BCAR3: variants seen among roughly 807,000 people sequenced by gnomAD.
BCAR3 encodes the protein BCAR3 adaptor protein, NSP family member, also known as breast cancer anti-estrogen resistance protein 3.
In BCAR3, 37 loss-of-function variants were observed where a neutral mutation model predicts 80.1. The ratio of observed to expected loss-of-function variants is 0.46; its 90% CI spans 0.36 to 0.61. BCAR3 has a LOEUF of 0.61. Ranked by LOEUF, BCAR3 falls within the 20% of genes least tolerant of loss-of-function variation. BCAR3 has a pLI of 0.00. For missense variants in BCAR3, 978 were observed against 1,068.2 expected (o/e 0.92, Z 1.18); for synonymous variants, 389 against 418.9 (o/e 0.93, Z 0.87).
chr1:93,649,423 C>T (rs531417760), intron 2 of BCAR3, among the ~76,000 whole-genome samples: 1 of 152,304 alleles, frequency 6.6e-6, no homozygotes, highest in Non-Finnish European at 1.5e-5. Flanking sequence ...GGTTATCCAC[C>T]TCTTTCCCAA....
chr1:93,604,776 G>A lies in BCAR3; in HGVS notation c.358-12383C>T, dbSNP rs200898082. On this transcript the variant is annotated intron_variant, in intron 3 of 11. Transcript: ENST00000260502. Reference sequence around the variant, plus strand: ...TCACTGATTTTGTTCTGAAAACTTCGGGTAGAATTCTAAGCTTGACAGAAT... The same window carrying A: ...TCACTGATTTTGTTCTGAAAACTTCAGGTAGAATTCTAAGCTTGACAGAAT... Among the ~76,000 whole-genome samples, 17 of 152,306 alleles carry A rather than the reference G, an allele frequency of 1.1e-4. No individual in the cohort carries two copies. The East Asian group carries it at 2.3e-3, about 21-fold the overall frequency.
At chr1:93,776,563 T>C (rs1652558275) in intron 2 of BCAR3, among the ~76,000 whole-genome samples, 1 of 152,244 alleles carries the variant, frequency 6.6e-6, no homozygotes, top group African/African-American at 2.4e-5. Context: ...TTATGTCCAT[T>C]TTATTATAAT....
At chr1:93,757,294 C>T (rs1315296147) in intron 2 of BCAR3, among the ~76,000 whole-genome samples, 4 of 152,208 alleles carry the variant, frequency 2.6e-5, no homozygotes, top group African/African-American at 7.2e-5. Context: ...CTCCTCCACA[C>T]CACTCTTCTC....
At chr1:93,833,296 G>T (rs530523333) in intron 2 of BCAR3, among the ~76,000 whole-genome samples, 1 of 152,122 alleles carries the variant, frequency 6.6e-6, no homozygotes, top group Non-Finnish European at 1.5e-5. Flanking sequence ...AATATCACAA[G>T]GCAAATGGGA....
At chr1:93,801,332 A>G (rs1653472033) in intron 2 of BCAR3, among the ~76,000 whole-genome samples, 1 of 152,222 alleles carries the variant, frequency 6.6e-6, no homozygotes, top group Non-Finnish European at 1.5e-5. Flanking sequence ...ATTTATCGCA[A>G]GTTTCACTAG....
intron 2 of BCAR3, among the ~76,000 whole-genome samples, chr1:93,775,678 A>G (rs144518612): frequency 2.4e-3 from 362 of 152,344 alleles, no homozygotes; most frequent in African/African-American, 8.5e-3. Flanking sequence ...TTTTCCACAT[A>G]ATGGAATAAA....
intron 2 of BCAR3, among the ~76,000 whole-genome samples, chr1:93,665,637 A>C (rs1461980875): frequency 6.6e-6 from 1 of 151,860 alleles, no homozygotes; most frequent in Non-Finnish European, 1.5e-5. Context: ...CAGACTCCTA[A>C]CTTTATACCT....
chr1:93,666,526 C>T (rs3767995), intron 2 of BCAR3, among the ~76,000 whole-genome samples: 2,530 of 152,246 alleles, frequency 0.017, 42 homozygotes, highest in East Asian at 0.087. Context: ...TGCCTGAATG[C>T]CCCCTAAACT....
At chr1:93,675,707 G>T (rs758223396) in intron 1 of BCAR3, among the ~76,000 whole-genome samples, 5 of 151,924 alleles carry the variant, frequency 3.3e-5, no homozygotes, top group Non-Finnish European at 7.4e-5. Flanking sequence ...AAAAAATGGT[G>T]GGGGGCAAAG....
chr1:93,811,330 A>T (rs1306237792), intron 2 of BCAR3, among the ~76,000 whole-genome samples: 1 of 152,198 alleles, frequency 6.6e-6, no homozygotes, highest in Non-Finnish European at 1.5e-5. Flanking sequence ...AGCAGGGAAG[A>T]AAGGGAGGGT....
chr1:93,660,818 G>A (rs113702473), intron 2 of BCAR3, among the ~76,000 whole-genome samples: 4,304 of 152,338 alleles, frequency 0.028, 94 homozygotes, highest in East Asian at 0.076. Flanking sequence ...AGGTTCAAGC[G>A]ATTCTCCTGC....
At chr1:93,813,780 C>T (rs918629260) in intron 2 of BCAR3, among the ~76,000 whole-genome samples, 18 of 152,190 alleles carry the variant, frequency 1.2e-4, no homozygotes, top group Admixed American at 2.0e-4. Flanking sequence ...ATTCAGATTA[C>T]GTCAATTGTC....
intron 2 of BCAR3, chr1:93,775,146 T>A (rs544707296): frequency 7.9e-4 from 121 of 152,296 alleles, no homozygotes; most frequent in African/African-American, 2.9e-3. Context: ...TTAATTGAGT[T>A]TAACATCCCT....
At chr1:93,772,129 CT>C (rs1385101944) in intron 2 of BCAR3, among the ~76,000 whole-genome samples, 1 of 152,194 alleles carries the variant, frequency 6.6e-6, no homozygotes, top group African/African-American at 2.4e-5. Context: ...AAGAGATAGT[CT>C]GGAGACGTCA....
At chr1:93,836,827 C>T (rs936481301) in intron 2 of BCAR3, among the ~76,000 whole-genome samples, 3 of 152,012 alleles carry the variant, frequency 2.0e-5, no homozygotes, top group African/African-American at 7.2e-5. Context: ...CTTAACTGAG[C>T]GATTAACCTT....
intron 2 of BCAR3, among the ~76,000 whole-genome samples, chr1:93,805,331 G>C (rs570593554): frequency 1.6e-4 from 24 of 152,358 alleles, no homozygotes; most frequent in African/African-American, 5.5e-4. Flanking sequence ...CAGAAGATGA[G>C]AGGTGCTTCA....
At chr1:93,711,119 T>G (rs561620931) in intron 2 of BCAR3, among the ~76,000 whole-genome samples, 1 of 152,336 alleles carries the variant, frequency 6.6e-6, no homozygotes, top group East Asian at 1.9e-4. Flanking sequence ...AAATAGAAGC[T>G]GCAGGCTTTT....
At position 93,567,422 on chromosome 1, in the gene BCAR3, C is replaced by A. The variant is rs763920350; in HGVS notation, c.2156G>T (p.Arg719Leu). 2 of 1,614,150 alleles carry A rather than the reference C, an allele frequency of 1.2e-6. No individual in the cohort carries two copies. Among genetic ancestry groups the A allele is most frequent in the Non-Finnish European group, 1.7e-6 (2 of 1,180,034 alleles). ...LLMPLVTLME[R>L]QAVTFEGTDM... ...GGTTCCTTCAAAAGTCACAGCCTGG[C>A]GCTCCATTAACGTCACAAGCGGCAT... Residue 719 changes from arginine (R) to leucine (L), a missense_variant, in exon 11 of 12, where the codon CGC becomes CTC. Coordinates refer to ENST00000260502, the MANE Select transcript of BCAR3 (RefSeq NM_003567.4).
rs145883663 is a variant in BCAR3, at chr1:93,773,759, C to T, written c.-62-67617G>A. Among the ~76,000 whole-genome samples, 485 of 152,316 alleles carry T rather than the reference C, an allele frequency of 3.2e-3. 5 individuals carry two copies. The highest frequency in any genetic ancestry group is 0.011 in the African/African-American group (457 of 41,576). On this transcript the variant is annotated intron_variant, in intron 2 of 13. Transcript: ENST00000370244. ...GTCCATTCCCCCACCCCAGCCACCA[C>T]ACCTCCATTAGCTCTTTTTTTCTTA...
Sources: allele counts gnomAD v4.1 joint callset (sites outside exome capture counted in the v4.1 genomes callset), GRCh38; gene constraint gnomAD v4.1.1; transcripts MANE v1.5; gene names NCBI Gene and HGNC (gene_info 2026-07-23, HGNC 2026-07-21).